KCNIP4: variants seen among roughly 807,000 people sequenced by gnomAD.
KCNIP4 encodes potassium voltage-gated channel interacting protein 4.
In KCNIP4, 12 loss-of-function variants were observed where a neutral mutation model predicts 34.0. The ratio of observed to expected loss-of-function variants is 0.35; its 90% CI spans 0.23 to 0.57. KCNIP4 has a LOEUF of 0.57. KCNIP4 is among the 20% of genes least tolerant of loss of function. The pLI, the probability that KCNIP4 is intolerant of heterozygous loss-of-function variation, is 0.83. For synonymous variants in KCNIP4, 124 were observed against 102.2 expected (o/e 1.21, Z -1.29); for missense variants, 238 against 311.7 (o/e 0.76, Z 1.78).
chr4:21,939,045 G>C (rs1462576794), intron 1 of KCNIP4, among the ~76,000 whole-genome samples: 1 of 152,090 alleles, frequency 6.6e-6, no homozygotes, highest in Non-Finnish European at 1.5e-5. Context: ...CTAAAATTTT[G>C]CTGTAACAGT....
chr4:21,920,662 A>G (rs1355809), intron 1 of KCNIP4, among the ~76,000 whole-genome samples: 38,483 of 152,064 alleles, frequency 0.25, 5,687 homozygotes, highest in East Asian at 0.61. Context: ...GATAATGTAC[A>G]TATGTTATAT....
intron 1 of KCNIP4, among the ~76,000 whole-genome samples, chr4:21,623,200 T>A (rs1745101421): frequency 6.6e-6 from 1 of 152,224 alleles, no homozygotes. Context: ...AACAGATTTG[T>A]AATTTTTGAG....
chr4:21,022,025 A>T (rs1470785328), intron 1 of KCNIP4, among the ~76,000 whole-genome samples: 1 of 152,164 alleles, frequency 6.6e-6, no homozygotes, highest in Non-Finnish European at 1.5e-5. Flanking sequence ...TTTTACACCA[A>T]CATCACCAAA....
chr4:21,041,417 A>G (rs1214972581), intron 1 of KCNIP4, among the ~76,000 whole-genome samples: 1 of 152,222 alleles, frequency 6.6e-6, no homozygotes, highest in Non-Finnish European at 1.5e-5. Flanking sequence ...TTTCTCAGGC[A>G]GTTTCAAACT....
At chr4:21,924,846 A>G (rs764922850) in intron 1 of KCNIP4, among the ~76,000 whole-genome samples, 2 of 149,414 alleles carry the variant, frequency 1.3e-5, no homozygotes, top group African/African-American at 2.5e-5. Context: ...ATAATCTACC[A>G]CTCCTCCCTG....
chr4:21,130,986 G>A (rs1751024340), intron 1 of KCNIP4, among the ~76,000 whole-genome samples: 1 of 152,038 alleles, frequency 6.6e-6, no homozygotes, highest in Non-Finnish European at 1.5e-5. Context: ...GATGCTCCTT[G>A]ACTTATGCTG....
At chr4:21,060,786 GT>G (rs1743848421) in intron 1 of KCNIP4, among the ~76,000 whole-genome samples, 1 of 152,136 alleles carries the variant, frequency 6.6e-6, no homozygotes, top group Admixed American at 6.6e-5. Flanking sequence ...TTAAAGAATT[GT>G]TTGAAAGAAA....
intron 5 of KCNIP4, among the ~76,000 whole-genome samples, chr4:20,739,791 T>C (rs937048475): frequency 6.6e-6 from 1 of 151,922 alleles, no homozygotes; most frequent in African/African-American, 2.4e-5. Flanking sequence ...ATAACAAACT[T>C]CTCCGAACTA....
At chr4:21,500,383 T>A (rs1449925254) in intron 1 of KCNIP4, among the ~76,000 whole-genome samples, 2 of 152,104 alleles carry the variant, frequency 1.3e-5, no homozygotes, top group Non-Finnish European at 2.9e-5. Flanking sequence ...TACTACTCAT[T>A]AGCTTATTTG....
chr4:21,829,306 G>A (rs1171673513), intron 1 of KCNIP4, among the ~76,000 whole-genome samples: 1 of 151,998 alleles, frequency 6.6e-6, no homozygotes, highest in African/African-American at 2.4e-5. Context: ...ACCATCTGTA[G>A]AGAGAAAAAT....
intron 1 of KCNIP4, among the ~76,000 whole-genome samples, chr4:21,229,111 A>G (rs947459498): frequency 1.3e-5 from 2 of 152,132 alleles, no homozygotes; most frequent in Non-Finnish European, 2.9e-5. Flanking sequence ...TACCTTCATG[A>G]CTATAATCAT....
intron 1 of KCNIP4, among the ~76,000 whole-genome samples, chr4:21,680,329 T>A (rs1027448788): frequency 6.6e-6 from 1 of 152,242 alleles, no homozygotes; most frequent in African/African-American, 2.4e-5. Flanking sequence ...CACATCTCCA[T>A]GATCCATTTC....
At chr4:21,254,520 A>G (rs1760928228) in intron 1 of KCNIP4, among the ~76,000 whole-genome samples, 1 of 152,174 alleles carries the variant, frequency 6.6e-6, no homozygotes, top group African/African-American at 2.4e-5. Context: ...ATTCTTATGC[A>G]TTTCATTTTT....
intron 1 of KCNIP4, among the ~76,000 whole-genome samples, chr4:21,727,120 C>T (rs1715252563): frequency 6.6e-6 from 1 of 152,062 alleles, no homozygotes; most frequent in African/African-American, 2.4e-5. Context: ...ATGTGTTCCT[C>T]CAAAATTCAT....
At chr4:21,328,103 C>T (rs1252337910) in intron 1 of KCNIP4, among the ~76,000 whole-genome samples, 1 of 151,754 alleles carries the variant, frequency 6.6e-6, no homozygotes, top group African/African-American at 2.4e-5. Flanking sequence ...CTTTTATGGT[C>T]TTGATTCTTA....
intron 1 of KCNIP4, among the ~76,000 whole-genome samples, chr4:21,825,642 G>A (rs933873739): frequency 2.6e-5 from 4 of 152,076 alleles, no homozygotes; most frequent in African/African-American, 9.7e-5. Context: ...CTATTACAGC[G>A]ACAAAAATAT....
intron 3 of KCNIP4, among the ~76,000 whole-genome samples, chr4:20,795,703 T>C (rs909222013): frequency 4.0e-5 from 6 of 151,460 alleles, no homozygotes; most frequent in African/African-American, 1.5e-4. Context: ...GCTCTATAAC[T>C]CTAGTTTTTT....
intron 1 of KCNIP4, among the ~76,000 whole-genome samples, chr4:20,933,432 C>T (rs1730696894): frequency 6.6e-6 from 1 of 151,954 alleles, no homozygotes; most frequent in South Asian, 2.1e-4. Context: ...AATGAGAATA[C>T]TGTGGAAATC....
chr4:21,520,317 C>T (rs1008674194), intron 1 of KCNIP4, among the ~76,000 whole-genome samples: 2 of 152,156 alleles, frequency 1.3e-5, no homozygotes, highest in African/African-American at 4.8e-5. Flanking sequence ...ACCAGCCATA[C>T]TGGCACTCTG....
Sources: gnomAD v4.1 joint callset for allele counts (sites outside exome capture counted in the v4.1 genomes callset) on GRCh38, gnomAD v4.1.1 for gene constraint, MANE v1.5 for transcripts, NCBI Gene and HGNC (gene_info 2026-07-23, HGNC 2026-07-21) for gene names.